Variants in OR56A3 observed in about 807,000 individuals in gnomAD.
OR56A3 encodes olfactory receptor family 56 subfamily A member 3.
Under a neutral mutation model 17.5 loss-of-function variants are expected in OR56A3, and 23 were observed. The observed-to-expected ratio is 1.32, with a 90% CI of 0.95 to 1.87. The LOEUF is 1.87. Ranked by LOEUF, OR56A3 falls within the 40% of genes most tolerant of loss-of-function variation. OR56A3 has a pLI of 0.00. For synonymous variants in OR56A3, 175 were observed against 150.6 expected, an observed-to-expected ratio of 1.16 and a Z score of -1.19; for missense variants, 366 against 380.1, an observed-to-expected ratio of 0.96 and a Z score of 0.31.
At chr11:6,002,182 T>G in the OR56A3 span, 1 of 1,614,188 alleles carries the variant, frequency 6.2e-7, no homozygotes, top group Admixed American at 1.7e-5. Context: ...TCTGGAGGAA[T>G]TCTCTTCCTG....
At chr11:6,001,989 C>A in the OR56A3 span, 4 of 1,453,218 alleles carry the variant, frequency 2.8e-6, no homozygotes, top group Non-Finnish European at 3.7e-6. Context: ...AAATTAATTC[C>A]CTATTTCCCA....
chr11:5,959,984 A>G, the OR56A3 span, among the ~76,000 whole-genome samples: 2 of 152,218 alleles, frequency 1.3e-5, no homozygotes, highest in Non-Finnish European at 2.9e-5. Context: ...TTAAATGAAT[A>G]GATTTATTTC....
chr11:5,977,864 T>C, the OR56A3 span, among the ~76,000 whole-genome samples: 1 of 152,240 alleles, frequency 6.6e-6, no homozygotes, highest in Non-Finnish European at 1.5e-5. Flanking sequence ...AAGTCTTTAA[T>C]TCATCTTGAG....
At chr11:5,955,975 C>G (rs973639156), downstream of OR56A3, among the ~76,000 whole-genome samples, 1 of 152,170 alleles carries the variant, frequency 6.6e-6, no homozygotes, top group African/African-American at 2.4e-5. Context: ...TAAAATACCT[C>G]ACTTTTATTA....
At chr11:5,986,318 G>A in the OR56A3 span, 1 of 1,614,004 alleles carries the variant, frequency 6.2e-7, no homozygotes, top group Non-Finnish European at 8.5e-7. Flanking sequence ...GAGCAGGCAA[G>A]TTTCACAACA....
At chr11:5,987,563 A>T in the OR56A3 span, among the ~76,000 whole-genome samples, 1 of 152,172 alleles carries the variant, frequency 6.6e-6, no homozygotes, top group African/African-American at 2.4e-5. Context: ...CATCCTCAAC[A>T]TATTCAACAT....
chr11:5,992,005 G>A, the OR56A3 span, among the ~76,000 whole-genome samples: 2 of 152,200 alleles, frequency 1.3e-5, no homozygotes, highest in Non-Finnish European at 2.9e-5. Context: ...ACCTAACCAC[G>A]TGGACCGTGT....
the OR56A3 span, among the ~76,000 whole-genome samples, chr11:6,013,259 C>T: frequency 6.6e-6 from 1 of 152,222 alleles, no homozygotes. Context: ...GCTCCAGGCC[C>T]TTGCTGGGCA....
At chr11:5,992,908 A>G in the OR56A3 span, among the ~76,000 whole-genome samples, 4 of 152,276 alleles carry the variant, frequency 2.6e-5, no homozygotes, top group African/African-American at 9.6e-5. Context: ...TTAGGTATCT[A>G]CCAATTCCAG....
the OR56A3 span, among the ~76,000 whole-genome samples, chr11:5,958,008 TA>T: frequency 3.3e-5 from 5 of 152,256 alleles, no homozygotes; most frequent in East Asian, 3.9e-4. Flanking sequence ...AAATTGTAAA[TA>T]ATTTAAAACT....
chr11:6,012,412 G>A, the OR56A3 span, among the ~76,000 whole-genome samples: 2 of 152,194 alleles, frequency 1.3e-5, no homozygotes, highest in African/African-American at 2.4e-5. Flanking sequence ...ATCCCAGCAA[G>A]TGTTCAGTTA....
the OR56A3 span, among the ~76,000 whole-genome samples, chr11:5,987,315 G>T: frequency 2.4e-4 from 37 of 152,098 alleles, no homozygotes; most frequent in African/African-American, 7.7e-4. Context: ...CTCCAGAGTT[G>T]TTCCCCCTGT....
chr11:5,983,285 G>A, the OR56A3 span, among the ~76,000 whole-genome samples: 3 of 151,988 alleles, frequency 2.0e-5, no homozygotes, highest in East Asian at 1.9e-4. Context: ...TTTGCTATAT[G>A]TACTTTTCAA....
chr11:6,021,290 AC>A, the OR56A3 span: 1 of 152,128 alleles, frequency 6.6e-6, no homozygotes, highest in Non-Finnish European at 1.5e-5. Flanking sequence ...TTGATCCTAC[AC>A]AAATTACAAT....
At chr11:5,947,033 T>C (rs1847873872) in intron 2 of OR56A3, among the ~76,000 whole-genome samples, 1 of 151,624 alleles carries the variant, frequency 6.6e-6, no homozygotes, top group South Asian at 2.1e-4. Context: ...AGTTGTTTCC[T>C]AAGTGTTTTC....
chr11:6,017,879 T>G, the OR56A3 span, among the ~76,000 whole-genome samples: 1 of 152,174 alleles, frequency 6.6e-6, no homozygotes, highest in African/African-American at 2.4e-5. Flanking sequence ...AGATATTTCA[T>G]GCAAATTGAA....
chr11:5,947,996 T>TA lies in OR56A3; in HGVS notation c.650_651insA (p.Ile218TyrfsTer52). On this transcript the variant is annotated frameshift_variant, in exon 3 of 3. Coordinates refer to ENST00000641160, the MANE Select transcript of OR56A3 (RefSeq NM_001003443.3). LOFTEE classifies it high-confidence loss of function. ...ACTCTGCTAGGATCTGACCTCATCC[T>TA]TATCTTCCTCTCCTACACCTTCATT... 6.2e-7 allele frequency: 1 copy of TA among 1,614,238 alleles called. No homozygotes were observed. The highest frequency in any genetic ancestry group is 8.5e-7 in the Non-Finnish European group (1 of 1,180,048).
chr11:6,011,204 T>TATATATATATATATATATATATATATATA, the OR56A3 span, among the ~76,000 whole-genome samples: 18 of 122,500 alleles, frequency 1.5e-4, no homozygotes, highest in African/African-American at 4.6e-4. Flanking sequence ...GAGATTTATT[T>TATATATATATATATATATATATATATATA]TATATATATA....
chr11:5,985,964 T>TGA, the OR56A3 span: 6 of 1,609,604 alleles, frequency 3.7e-6, no homozygotes, highest in Non-Finnish European at 5.1e-6. Flanking sequence ...GTAAACACTC[T>TGA]GAGCACTCGC....
Sources: allele counts gnomAD v4.1 joint callset (sites outside exome capture counted in the v4.1 genomes callset), GRCh38; gene constraint gnomAD v4.1.1; transcripts MANE v1.5; gene names NCBI Gene and HGNC (gene_info 2026-07-23, HGNC 2026-07-21).